CYSTM1: variants seen among roughly 807,000 people sequenced by gnomAD.
The protein encoded by CYSTM1 is cysteine rich transmembrane module containing 1, also known as cysteine-rich transmembrane module-containing protein 1.
In CYSTM1, 4 loss-of-function variants were observed where a neutral mutation model predicts 13.1. The ratio of observed to expected loss-of-function variants is 0.31; its 90% CI spans 0.15 to 0.70. The LOEUF (loss-of-function observed/expected upper bound fraction) is 0.70, where lower values mean the gene tolerates loss of function less well. Among genes scored for constraint, CYSTM1 ranks in the 30% least tolerant of loss-of-function variants. The pLI, the probability that CYSTM1 is intolerant of heterozygous loss-of-function variation, is 0.72. For missense variants in CYSTM1, 96 were observed against 121.6 expected, an observed-to-expected ratio of 0.79 and a Z score of 0.99; for synonymous variants, 36 against 42.7, an observed-to-expected ratio of 0.84 and a Z score of 0.62.
intron 2 of CYSTM1, among the ~76,000 whole-genome samples, chr5:140,197,237 A>G (rs1764169643): frequency 6.6e-6 from 1 of 152,244 alleles, no homozygotes; most frequent in Non-Finnish European, 1.5e-5. Context: ...TCATGCAGAA[A>G]ATACAGATTT....
chr5:140,177,074 A>AAAAAACAAAAAAAAAACAAAAC (rs1357845710), intron 1 of CYSTM1, among the ~76,000 whole-genome samples: 10 of 150,416 alleles, frequency 6.6e-5, no homozygotes, highest in African/African-American at 2.5e-4. Context: ...GTCTCAAAAA[A>AAAAAACAAAAAAAAAACAAAAC]AAAAAAAAAA....
chr5:140,225,571 C>CCG (rs1164344550), intron 2 of CYSTM1, among the ~76,000 whole-genome samples: 10 of 152,352 alleles, frequency 6.6e-5, no homozygotes, highest in African/African-American at 2.4e-4. Flanking sequence ...CTGCCCAGCC[C>CCG]TGAGCTCTGC....
chr5:140,197,717 A>G (rs752600822), intron 2 of CYSTM1, among the ~76,000 whole-genome samples: 16 of 152,220 alleles, frequency 1.1e-4, no homozygotes, highest in Non-Finnish European at 2.2e-4. Context: ...GAATGATTTT[A>G]GATTTATCTA....
At chr5:140,208,575 AAG>A (rs1192836464) in intron 2 of CYSTM1, among the ~76,000 whole-genome samples, 8 of 151,460 alleles carry the variant, frequency 5.3e-5, no homozygotes, top group African/African-American at 1.9e-4. Context: ...AAATAACTAA[AAG>A]AGTATAATTT....
intron 2 of CYSTM1, among the ~76,000 whole-genome samples, chr5:140,210,779 T>C (rs1406471737): frequency 6.6e-6 from 1 of 152,294 alleles, no homozygotes; most frequent in East Asian, 1.9e-4. Flanking sequence ...CCCAAAGTAC[T>C]GGGATTACAG....
At chr5:140,180,693 G>C (rs1244940603) in intron 1 of CYSTM1, among the ~76,000 whole-genome samples, 2 of 152,004 alleles carry the variant, frequency 1.3e-5, no homozygotes, top group African/African-American at 4.8e-5. Flanking sequence ...TTGGAAACTG[G>C]GTAGGTCCTC....
In CYSTM1 at chr5:140,243,570, T is replaced by C. The variant is rs1764779675; in HGVS notation, c.*159T>C. On this transcript the variant is annotated 3_prime_UTR_variant, in exon 3 of 3. Coordinates refer to ENST00000261811, the MANE Select transcript of CYSTM1 (RefSeq NM_032412.4). ...ATTCTAGATTAATGGGGGTTGCTACTGTTTAATTCAGTGACTTGATCTTTT... is the reference window on the plus strand; with the variant it reads ...ATTCTAGATTAATGGGGGTTGCTACCGTTTAATTCAGTGACTTGATCTTTT... The C allele has an allele frequency of 1.8e-6, 1 of 547,444 alleles. No homozygotes were observed. Among genetic ancestry groups the C allele is most frequent in the East Asian group, 3.1e-5 (1 of 32,176 alleles). The allele number at this position is 547,444 out of a possible 1,614,324, so 33.9% of individuals were successfully genotyped here.
At chr5:140,224,478 A>G (rs573877391) in intron 2 of CYSTM1, among the ~76,000 whole-genome samples, 10 of 152,040 alleles carry the variant, frequency 6.6e-5, no homozygotes, top group Non-Finnish European at 1.3e-4. Flanking sequence ...AGATTAGACA[A>G]ATATCTTCAC....
At chr5:140,195,572 A>G (rs1268934655) in intron 2 of CYSTM1, among the ~76,000 whole-genome samples, 5 of 151,154 alleles carry the variant, frequency 3.3e-5, no homozygotes. Context: ...CTCCTGAGTA[A>G]CTAGGACTAC....
In CYSTM1 at chr5:140,240,000, G is replaced by A. The variant is rs967484254; in HGVS notation, c.188-3305G>A. ...GAAACCAGTCCTTAAGACCCTGCCC[G>A]CGTCAGGAGCTGGAACCCAGCTCCG... On this transcript the variant is annotated intron_variant, in intron 2 of 2. Transcript: ENST00000261811. This position sits in a 1 kb window ranked among gnomAD's most constrained non-coding sequence, Gnocchi z 5.4. 6.6e-5 allele frequency among the ~76,000 whole-genome samples: 10 copies of A among 152,004 alleles called. No individual in the cohort carries two copies. The highest frequency in any genetic ancestry group is 2.2e-4 in the African/African-American group (9 of 41,376).
At position 140,194,541 on chromosome 5, in the gene CYSTM1, A is replaced by G. The variant is rs568646908; in HGVS notation, c.76A>G (p.Met26Val). 1.1e-5 allele frequency: 18 copies of G among 1,613,578 alleles called. No homozygotes were observed. The South Asian group carries it at 1.9e-4, about 17-fold the overall frequency. Residue 26 changes from methionine (M) to valine (V), a missense_variant, in exon 2 of 3, where the codon ATG (methionine) becomes GTG (valine). Physicochemically the swap from Met to Val is conservative, Grantham distance 21. Transcript: ENST00000261811. ...APYPPYPPQP[M>V]GPGPMGGPYP... ...ATACCCACCTTATCCACCACAACCA[A>G]TGGGTCCAGGACCTATGGGGGGACC...
intron 2 of CYSTM1, among the ~76,000 whole-genome samples, chr5:140,228,070 A>C (rs1485775924): frequency 6.6e-6 from 1 of 152,162 alleles, no homozygotes; most frequent in Admixed American, 6.5e-5. Context: ...GGTGTGCTTT[A>C]ATTTACCCAA....
chr5:140,202,814 G>A (rs1319366637), intron 2 of CYSTM1: 2 of 152,158 alleles, frequency 1.3e-5, no homozygotes, highest in Non-Finnish European at 2.9e-5. Context: ...TAGTATTTCT[G>A]TGTGCATTCC....
intron 2 of CYSTM1, among the ~76,000 whole-genome samples, chr5:140,204,557 C>A (rs956110630): frequency 6.6e-6 from 1 of 151,616 alleles, no homozygotes. Context: ...AAACAAAAAA[C>A]CACCAAAAAA....
At chr5:140,198,496 G>A (rs577899513) in intron 2 of CYSTM1, among the ~76,000 whole-genome samples, 111 of 152,328 alleles carry the variant, frequency 7.3e-4, no homozygotes, top group African/African-American at 2.6e-3. Flanking sequence ...TCATCATTAG[G>A]TGGTCTAGCT....
At chr5:140,180,287 A>T (rs950566175) in intron 1 of CYSTM1, among the ~76,000 whole-genome samples, 1 of 152,198 alleles carries the variant, frequency 6.6e-6, no homozygotes, top group Non-Finnish European at 1.5e-5. Flanking sequence ...GCCCAGGGAC[A>T]CTACGTACTG....
At chr5:140,193,679 G>A (rs954301027) in intron 1 of CYSTM1, among the ~76,000 whole-genome samples, 4 of 152,204 alleles carry the variant, frequency 2.6e-5, no homozygotes, top group Non-Finnish European at 4.4e-5. Flanking sequence ...GCCCAATCAA[G>A]AGAATGATTA....
chr5:140,224,710 G>A (rs1764529100), intron 2 of CYSTM1, among the ~76,000 whole-genome samples: 1 of 151,838 alleles, frequency 6.6e-6, no homozygotes, highest in Non-Finnish European at 1.5e-5. Context: ...TTGTAGAGAT[G>A]GAGTCTCACT....
chr5:140,218,456 ATG>A (rs1764456490), intron 2 of CYSTM1, among the ~76,000 whole-genome samples: 1 of 152,334 alleles, frequency 6.6e-6, no homozygotes, highest in Non-Finnish European at 1.5e-5. Context: ...GCACTGGCCT[ATG>A]TGGATTAACT....
Sources: gnomAD v4.1 joint callset for allele counts (sites outside exome capture counted in the v4.1 genomes callset) on GRCh38, gnomAD v4.1.1 for gene constraint, Gnocchi (gnomAD v3.1) non-coding constraint, MANE v1.5 for transcripts, NCBI Gene and HGNC (gene_info 2026-07-23, HGNC 2026-07-21) for gene names.